Variants in SORCS1 observed in about 807,000 individuals in gnomAD.
SORCS1 encodes the protein sortilin related VPS10 domain containing receptor 1.
SORCS1 carries 60 observed loss-of-function variants against 146.1 expected under a neutral mutation model. That is an observed-to-expected ratio of 0.41 (90% CI 0.33 to 0.51). The LOEUF is 0.51. Among genes scored for constraint, SORCS1 ranks in the 20% least tolerant of loss-of-function variants. The pLI is 0.21. For missense variants in SORCS1, 1,352 were observed against 1,487.6 expected, an observed-to-expected ratio of 0.91 and a Z score of 1.50; for synonymous variants, 637 against 584.0, an observed-to-expected ratio of 1.09 and a Z score of -1.31.
intron 18 of SORCS1, among the ~76,000 whole-genome samples, chr10:106,637,799 C>T (rs866187678): frequency 1.3e-5 from 2 of 152,290 alleles, no homozygotes; most frequent in Admixed American, 6.5e-5. Flanking sequence ...ACTAAATACC[C>T]AAATACTTCT....
At chr10:106,949,410 C>G (rs968805991) in intron 2 of SORCS1, among the ~76,000 whole-genome samples, 6 of 152,170 alleles carry the variant, frequency 3.9e-5, no homozygotes, top group Non-Finnish European at 8.8e-5. Context: ...GACTCACTCA[C>G]AGGGCTTGCA....
chr10:106,672,655 CATT>C (rs1851694446), intron 15 of SORCS1, among the ~76,000 whole-genome samples: 1 of 152,184 alleles, frequency 6.6e-6, no homozygotes, highest in Non-Finnish European at 1.5e-5. Context: ...AATTTTATCT[CATT>C]ATATCCTAGC....
chr10:106,723,539 A>T (rs1855930791), intron 6 of SORCS1, among the ~76,000 whole-genome samples: 1 of 152,186 alleles, frequency 6.6e-6, no homozygotes, highest in Non-Finnish European at 1.5e-5. Context: ...ATTTCCAGTA[A>T]TACCTCCCGT....
intron 2 of SORCS1, among the ~76,000 whole-genome samples, chr10:106,860,310 G>A (rs1018659675): frequency 6.6e-6 from 1 of 152,192 alleles, no homozygotes; most frequent in Admixed American, 6.5e-5. Context: ...TCTATCTTTT[G>A]ATACAACCCC....
intron 2 of SORCS1, among the ~76,000 whole-genome samples, chr10:106,926,154 TA>T (rs34528214): frequency 0.52 from 79,455 of 151,990 alleles, 22,362 homozygotes; most frequent in Non-Finnish European, 0.63. Context: ...TTTGTATCCT[TA>T]AGAGTTATGT....
chr10:107,065,816 C>G (rs1465069889), intron 1 of SORCS1, among the ~76,000 whole-genome samples: 1 of 152,062 alleles, frequency 6.6e-6, no homozygotes, highest in African/African-American at 2.4e-5. Context: ...CCACTCCCAG[C>G]CCTAGGCTGA....
intron 2 of SORCS1, among the ~76,000 whole-genome samples, chr10:106,953,870 T>C (rs1356090541): frequency 1.3e-5 from 2 of 152,218 alleles, no homozygotes; most frequent in Non-Finnish European, 2.9e-5. Context: ...TGCATGACAG[T>C]ATGCATCCTT....
At chr10:106,618,095 A>G in intron 21 of SORCS1, 54 bp downstream of exon 21, 1 of 1,607,118 alleles carries the variant, frequency 6.2e-7, no homozygotes, top group Non-Finnish European at 8.5e-7. Context: ...ATGGCACAAG[A>G]GAACCTCCTC....
chr10:106,773,888 G>A (rs768905102), intron 4 of SORCS1, among the ~76,000 whole-genome samples: 9 of 152,086 alleles, frequency 5.9e-5, no homozygotes, highest in Non-Finnish European at 1.3e-4. Flanking sequence ...GGCAGAGATT[G>A]CAGTGAGCCC....
Position 107,164,550 on chromosome 10 carries a change from A to AGAGG in SORCS1, c.-28_-25dup, listed in dbSNP as rs1370631271. On this transcript the variant is annotated 5_prime_UTR_variant, in exon 1 of 26. Transcript: ENST00000263054. The surrounding 1 kb of genome is among the most constrained non-coding windows in gnomAD (Gnocchi z 6.8). ...ATCGCGGGAGCGAAGAGCAGCGGAG[A>AGAGG]GAGGGGTCCCAGAACGAAGGTGGCG... 24 of 1,331,942 alleles carry AGAGG rather than the reference A, an allele frequency of 1.8e-5. No individual in the cohort carries two copies. The highest frequency in any genetic ancestry group is 2.3e-5 in the Non-Finnish European group (24 of 1,048,082). 82.5% of individuals were successfully genotyped at this position (1,331,942 alleles called of 1,614,324 possible).
rs965344161 is a variant in SORCS1, at chr10:106,960,355, T to A, written c.559-3775A>T. The stretch of plus-strand genomic sequence containing the variant: ...ACTCCTTCTTGCCACATCTATCGCT[T>A]ACACAACTTTTGGGAGGAACTTCAC... On this transcript the variant is annotated intron_variant, in intron 1 of 25. Transcript: ENST00000263054. This position sits in a 1 kb window ranked among gnomAD's most constrained non-coding sequence, Gnocchi z 4.4. 4.6e-5 allele frequency among the ~76,000 whole-genome samples: 7 copies of A among 152,128 alleles called. No homozygotes were observed. The highest frequency in any genetic ancestry group is 5.9e-5 in the Non-Finnish European group (4 of 68,004).
In SORCS1 at chr10:106,701,722, C is replaced by T. The variant is rs183957291; in HGVS notation, c.1234-2329G>A. Reference sequence around the variant, plus strand: ...TCTAGTAAAGTGGCTGAAGAATGGACTTTGGAGTAAAACTAGTTGAGTTCA... The same window carrying T: ...TCTAGTAAAGTGGCTGAAGAATGGATTTTGGAGTAAAACTAGTTGAGTTCA... On this transcript the variant is annotated intron_variant, in intron 8 of 25. Transcript: ENST00000263054. 4.3e-4 allele frequency among the ~76,000 whole-genome samples: 66 copies of T among 152,300 alleles called. 1 individual carries two copies. The highest frequency in any genetic ancestry group is 1.5e-3 in the African/African-American group (64 of 41,566).
At chr10:107,027,073 C>A (rs1958440206) in intron 1 of SORCS1, among the ~76,000 whole-genome samples, 3 of 144,038 alleles carry the variant, frequency 2.1e-5, no homozygotes, top group African/African-American at 2.6e-5. Context: ...AAATATATAT[C>A]AGATATACAT....
chr10:106,604,349 A>C (rs1235240156), intron 23 of SORCS1, among the ~76,000 whole-genome samples: 5 of 152,206 alleles, frequency 3.3e-5, no homozygotes, highest in Non-Finnish European at 7.3e-5. Flanking sequence ...ATTGAAAACT[A>C]TGGGTCTCCA....
chr10:107,169,794 T>C, the SORCS1 span, among the ~76,000 whole-genome samples: 1 of 152,146 alleles, frequency 6.6e-6, no homozygotes, highest in African/African-American at 2.4e-5. Context: ...TTTATCCTTT[T>C]CCCCCCTGTT....
At chr10:107,074,378 T>C (rs1962706029) in intron 1 of SORCS1, among the ~76,000 whole-genome samples, 1 of 152,208 alleles carries the variant, frequency 6.6e-6, no homozygotes, top group South Asian at 2.1e-4. Context: ...TGATAGCTCA[T>C]TTCTGATTAG....
chr10:106,875,248 A>G (rs1950553635), intron 2 of SORCS1, among the ~76,000 whole-genome samples: 1 of 152,236 alleles, frequency 6.6e-6, no homozygotes, highest in African/African-American at 2.4e-5. Flanking sequence ...TTCACTTAGA[A>G]TAATGGCTTC....
intron 2 of SORCS1, among the ~76,000 whole-genome samples, chr10:106,940,976 C>A (rs1486567262): frequency 6.6e-6 from 1 of 152,180 alleles, no homozygotes; most frequent in Admixed American, 6.5e-5. Context: ...GGTTCAAAGC[C>A]TGGGCTCTGG....
intron 2 of SORCS1, among the ~76,000 whole-genome samples, chr10:106,872,099 T>A (rs1477630875): frequency 1.3e-5 from 2 of 152,164 alleles, no homozygotes; most frequent in African/African-American, 2.4e-5. Flanking sequence ...AACAAACATA[T>A]AAGTAATTTT....
Sources: gnomAD v4.1 joint callset for allele counts (sites outside exome capture counted in the v4.1 genomes callset) on GRCh38, gnomAD v4.1.1 for gene constraint, Gnocchi (gnomAD v3.1) non-coding constraint, MANE v1.5 for transcripts, NCBI Gene and HGNC (gene_info 2026-07-23, HGNC 2026-07-21) for gene names.